The following STARD13 variants were observed in gnomAD, a reference collection of about 807,000 sequenced individuals.
STARD13 encodes stAR-related lipid transfer protein 13.
In STARD13, 62 loss-of-function variants were observed where a neutral mutation model predicts 106.4. The ratio of observed to expected loss-of-function variants is 0.58; its 90% CI spans 0.48 to 0.72. The LOEUF is 0.72. Among genes scored for constraint, STARD13 ranks in the 30% least tolerant of loss-of-function variants. The probability of loss-of-function intolerance (pLI) is 0.00; values close to 1 mark genes in which losing one functional copy is unlikely to be tolerated. For synonymous variants in STARD13, 565 were observed against 553.0 expected (o/e 1.02, Z -0.31); for missense variants, 1,387 against 1,424.0 (o/e 0.97, Z 0.42).
chr13:33,254,646 C>T (rs1295500122), intron 1 of STARD13, among the ~76,000 whole-genome samples: 1 of 152,168 alleles, frequency 6.6e-6, no homozygotes, highest in Non-Finnish European at 1.5e-5. Context: ...ACCCAGGCTC[C>T]AGAAGCAGAC....
At chr13:33,259,260 C>T (rs1197621877) in intron 1 of STARD13, among the ~76,000 whole-genome samples, 2 of 152,196 alleles carry the variant, frequency 1.3e-5, no homozygotes, top group Non-Finnish European at 2.9e-5. Flanking sequence ...GAGAAACAAA[C>T]TTGTGAGATT....
At chr13:33,230,535 T>A (rs1381978453) in intron 1 of STARD13, among the ~76,000 whole-genome samples, 1 of 152,222 alleles carries the variant, frequency 6.6e-6, no homozygotes, top group African/African-American at 2.4e-5. Context: ...ATTTTGAGAG[T>A]GGAGCTTTCA....
the STARD13 span, among the ~76,000 whole-genome samples, chr13:33,456,409 C>T: frequency 0.015 from 2,249 of 152,204 alleles, 62 homozygotes; most frequent in African/African-American, 0.048. Context: ...AGGCTGGTCT[C>T]GAACTCCTGG....
chr13:33,218,283 G>A (rs1381582824), intron 1 of STARD13, among the ~76,000 whole-genome samples: 1 of 151,932 alleles, frequency 6.6e-6, no homozygotes, highest in African/African-American at 2.4e-5. Flanking sequence ...CCTGTCCCAT[G>A]GAATGTGGGC....
intron 1 of STARD13, among the ~76,000 whole-genome samples, chr13:33,335,994 A>ATTCATTC (rs75603107): frequency 0.022 from 1,141 of 52,706 alleles, 6 homozygotes; most frequent in South Asian, 0.078. Context: ...TTCATTCATT[A>ATTCATTC]ATTCATTCAC....
At chr13:33,126,008 C>T (rs186494476) in intron 7 of STARD13, 73 bp downstream of exon 7, 1 of 1,552,684 alleles carries the variant, frequency 6.4e-7, no homozygotes, top group Admixed American at 1.7e-5. Flanking sequence ...AGATCTGACT[C>T]AGTCTGACAT....
chr13:33,508,998 A>T, the STARD13 span, among the ~76,000 whole-genome samples: 1 of 150,972 alleles, frequency 6.6e-6, no homozygotes, highest in African/African-American at 2.4e-5. Context: ...CTAACATAGA[A>T]AACATAGAAA....
chr13:33,456,874 C>A, the STARD13 span, among the ~76,000 whole-genome samples: 1 of 152,216 alleles, frequency 6.6e-6, no homozygotes, highest in African/African-American at 2.4e-5. Context: ...GGAAACAATT[C>A]CATTTGTAAC....
In STARD13 at chr13:33,129,026, C is replaced by T. The variant is rs2138161748; in HGVS notation, c.1651G>A (p.Val551Met). 1 of 1,614,152 alleles carries T rather than the reference C, an allele frequency of 6.2e-7. No homozygotes were observed. The highest frequency in any genetic ancestry group is 8.5e-7 in the Non-Finnish European group (1 of 1,180,034). ...VSEGRTTPSD[V>M]ERDVTSLNES... is the part of the protein sequence containing the mutation. ...TTAAGAGATGTTACATCTCTTTCCA[C>T]ATCACTGGGTGTCGTCCGACCTTCT... The change falls in exon 5 of 14, where the codon GTG becomes ATG. Residue 551 changes from valine to methionine, a missense_variant. Transcript: ENST00000336934.
At chr13:33,181,719 G>A (rs1417911941) in intron 1 of STARD13, among the ~76,000 whole-genome samples, 1 of 152,212 alleles carries the variant, frequency 6.6e-6, no homozygotes, top group Admixed American at 6.5e-5. Context: ...TTCGTGGGCA[G>A]CAATGTCTGT....
At chr13:33,131,917 G>T (rs757232553) in intron 4 of STARD13, among the ~76,000 whole-genome samples, 3 of 152,182 alleles carry the variant, frequency 2.0e-5, no homozygotes, top group African/African-American at 7.2e-5. Context: ...TCACTGAGAG[G>T]TATTTGCTTA....
chr13:33,633,606 A>G, the STARD13 span, among the ~76,000 whole-genome samples: 1 of 152,242 alleles, frequency 6.6e-6, no homozygotes, highest in East Asian at 1.9e-4. Context: ...ACTGCACATA[A>G]CAACTAGGTT....
the STARD13 span, among the ~76,000 whole-genome samples, chr13:33,635,002 A>G: frequency 6.6e-6 from 1 of 152,196 alleles, no homozygotes; most frequent in Non-Finnish European, 1.5e-5. Flanking sequence ...TGGAGATACT[A>G]CCAAAGGGGA....
intron 1 of STARD13, among the ~76,000 whole-genome samples, chr13:33,210,731 C>T (rs1423758233): frequency 6.6e-6 from 1 of 152,204 alleles, no homozygotes; most frequent in Non-Finnish European, 1.5e-5. Flanking sequence ...ATTTGAAATA[C>T]TTGAGCAAAT....
chr13:33,205,750 A>G (rs1887373466), intron 1 of STARD13: 10 of 631,936 alleles, frequency 1.6e-5, no homozygotes, highest in South Asian at 7.0e-5. Context: ...AAAACTCACA[A>G]TCTACATAGG....
the STARD13 span, among the ~76,000 whole-genome samples, chr13:33,383,459 T>A: frequency 6.6e-6 from 1 of 152,090 alleles, no homozygotes. Context: ...AATACAAAGC[T>A]GTGGCTGGGT....
the STARD13 span, among the ~76,000 whole-genome samples, chr13:33,365,474 G>A: frequency 6.6e-6 from 1 of 152,170 alleles, no homozygotes; most frequent in Non-Finnish European, 1.5e-5. Context: ...GCTGGACGGC[G>A]ACAGTCGGGG....
At chr13:33,261,881 G>C (rs1222162482) in intron 1 of STARD13, among the ~76,000 whole-genome samples, 2 of 152,164 alleles carry the variant, frequency 1.3e-5, no homozygotes, top group African/African-American at 4.8e-5. Flanking sequence ...GTATGCACGG[G>C]TTGCTTGGGT....
the STARD13 span, among the ~76,000 whole-genome samples, chr13:33,471,275 GC>G: frequency 2.0e-5 from 3 of 152,132 alleles, no homozygotes; most frequent in Non-Finnish European, 4.4e-5. Flanking sequence ...TAGCCATGTA[GC>G]CACATAGAGA....
Sources: gnomAD v4.1 joint callset for allele counts (sites outside exome capture counted in the v4.1 genomes callset) on GRCh38, gnomAD v4.1.1 for gene constraint, MANE v1.5 for transcripts, NCBI Gene and HGNC (gene_info 2026-07-23, HGNC 2026-07-21) for gene names.